The following CCDC93 variants were observed in gnomAD, a reference collection of about 807,000 sequenced individuals.
The protein encoded by CCDC93 is coiled-coil domain-containing protein 93.
CCDC93 carries 61 observed loss-of-function variants against 108.2 expected under a neutral mutation model. The ratio of observed to expected loss-of-function variants is 0.56; its 90% CI spans 0.46 to 0.70. The LOEUF (loss-of-function observed/expected upper bound fraction) is 0.70. Ranked by LOEUF, CCDC93 falls within the 30% of genes least tolerant of loss-of-function variation. The pLI is 0.00. For missense variants in CCDC93, 685 were observed against 764.2 expected (o/e 0.90, Z 1.22); for synonymous variants, 276 against 260.4 (o/e 1.06, Z -0.58).
intron 23 of CCDC93, among the ~76,000 whole-genome samples, chr2:117,925,922 C>A (rs559895441): frequency 1.3e-5 from 2 of 152,244 alleles, no homozygotes; most frequent in African/African-American, 4.8e-5. Context: ...AACTGTCTCT[C>A]AGACCACAGT....
Position 117,918,052 on chromosome 2 carries a change from C to T in CCDC93, c.*2291G>A, listed in dbSNP as rs1361517764. On this transcript the variant is annotated 3_prime_UTR_variant, in exon 24 of 24. Transcript: ENST00000376300. ...CAATTCCATACTATGTCTGTCTAAGCACACAGAGCCATAGCCCTGGGAAGA... is the reference window on the plus strand; with the variant it reads ...CAATTCCATACTATGTCTGTCTAAGTACACAGAGCCATAGCCCTGGGAAGA... 1 of 152,210 alleles carries T rather than the reference C, an allele frequency of 6.6e-6. No homozygotes were observed. Among genetic ancestry groups the T allele is most frequent in the Non-Finnish European group, 1.5e-5 (1 of 68,050 alleles). 9.4% of individuals were successfully genotyped at this position (152,210 alleles called of 1,614,324 possible).
intron 9 of CCDC93, 30 bp from the exon 10 acceptor site, chr2:117,974,930 G>C: frequency 6.5e-7 from 1 of 1,547,620 alleles, no homozygotes; most frequent in Non-Finnish European, 8.8e-7. Context: ...GAGCAGCAGT[G>C]AGTGGTTCTG....
chr2:118,012,190 C>T (rs1677036667), intron 1 of CCDC93, among the ~76,000 whole-genome samples: 1 of 151,912 alleles, frequency 6.6e-6, no homozygotes, highest in Non-Finnish European at 1.5e-5. Flanking sequence ...ATAAGAATTG[C>T]TTGAACCTGG....
intron 22 of CCDC93, among the ~76,000 whole-genome samples, chr2:117,932,047 G>C (rs537324347): frequency 6.6e-6 from 1 of 152,234 alleles, no homozygotes; most frequent in African/African-American, 2.4e-5. Context: ...TGACACGGGG[G>C]GAGGTGACGG....
intron 23 of CCDC93, among the ~76,000 whole-genome samples, chr2:117,924,343 G>A (rs1016930197): frequency 1.3e-5 from 2 of 152,180 alleles, no homozygotes; most frequent in African/African-American, 2.4e-5. Flanking sequence ...GCTAAAGGAG[G>A]AAGTTCGAAC....
rs970836921 is a variant in CCDC93 at position 117,917,699 on chromosome 2, ACAT to A, written c.*2641_*2643del. 15 of 152,418 alleles carry A rather than the reference ACAT, an allele frequency of 9.8e-5. No individual in the cohort carries two copies. Among genetic ancestry groups the A allele is most frequent in the African/African-American group, 3.6e-4 (15 of 41,574 alleles). 9.4% of individuals were successfully genotyped at this position (152,418 alleles called of 1,614,324 possible). A position where few individuals can be genotyped will look rare whatever the true frequency, so the allele number is the denominator to read the frequency against. The stretch of plus-strand genomic sequence containing the variant: ...AACAGAGACGGAGCACAGGTCAAAG[ACAT>A]CAACAAATGTCCTAGCATCTCCCCA... On this transcript the variant is annotated 3_prime_UTR_variant, in exon 24 of 24. Transcript: ENST00000376300.
At chr2:117,969,398 T>G (rs570967371) in intron 11 of CCDC93, among the ~76,000 whole-genome samples, 1 of 152,296 alleles carries the variant, frequency 6.6e-6, no homozygotes, top group Admixed American at 6.5e-5. Context: ...TGCAGCCTTG[T>G]AAGACTCACA....
chr2:117,995,389 A>C (rs1680611875), intron 6 of CCDC93, 57 bp downstream of exon 6: 1 of 1,309,046 alleles, frequency 7.6e-7, no homozygotes, highest in Non-Finnish European at 1.1e-6. Context: ...TGATTTAACA[A>C]AGGGCTATCT....
chr2:117,943,204 G>A (rs1208167538), intron 18 of CCDC93, among the ~76,000 whole-genome samples: 1 of 152,184 alleles, frequency 6.6e-6, no homozygotes, highest in Non-Finnish European at 1.5e-5. Context: ...CTTGAACTTT[G>A]ATGTATATAT....
intron 20 of CCDC93, among the ~76,000 whole-genome samples, chr2:117,938,330 T>C (rs1011531154): frequency 2.0e-5 from 3 of 152,208 alleles, no homozygotes; most frequent in Non-Finnish European, 4.4e-5. Flanking sequence ...AATTAAGACA[T>C]ATCTGCATAC....
intron 21 of CCDC93, among the ~76,000 whole-genome samples, chr2:117,936,158 G>A (rs1007663881): frequency 6.6e-6 from 1 of 151,856 alleles, no homozygotes; most frequent in African/African-American, 2.4e-5. Flanking sequence ...CCAGAGGACA[G>A]CAGAGATTTG....
chr2:117,951,274 C>A (rs3771942), intron 13 of CCDC93: 20 of 985,122 alleles, frequency 2.0e-5, no homozygotes, highest in South Asian at 4.7e-5. Context: ...CGTAAGGAAC[C>A]CAGTCACAGA....
In CCDC93 at chr2:117,926,797, C is replaced by G. The variant is rs551474679; in HGVS notation, c.1842+4240G>C. Among the ~76,000 whole-genome samples, 481 of 151,954 alleles carry G rather than the reference C, an allele frequency of 3.2e-3. 6 individuals are homozygous for G. Among genetic ancestry groups the G allele is most frequent in the African/African-American group, 0.011 (458 of 41,282 alleles). On this transcript the variant is annotated intron_variant, in intron 23 of 23. Transcript: ENST00000376300. Reference sequence around the variant, plus strand: ...GGCCAGCATCATCCTGATACCAAAGCCTGGCAGAGACACAACCAAAAAAGA... The same window carrying G: ...GGCCAGCATCATCCTGATACCAAAGGCTGGCAGAGACACAACCAAAAAAGA...
At chr2:117,932,487 T>C (rs551388891) in intron 22 of CCDC93, among the ~76,000 whole-genome samples, 2 of 152,348 alleles carry the variant, frequency 1.3e-5, no homozygotes, top group East Asian at 3.9e-4. Flanking sequence ...ATATGGGGAC[T>C]GATTTGCCTA....
chr2:117,977,826 G>C (rs1679991235), intron 8 of CCDC93, among the ~76,000 whole-genome samples, 168 bp downstream of exon 8: 2 of 152,150 alleles, frequency 1.3e-5, no homozygotes, highest in Non-Finnish European at 2.9e-5. Flanking sequence ...CCAGTCTGTA[G>C]AGGTGGCTAG....
At chr2:117,996,152 G>A (rs2104815134) in intron 5 of CCDC93, 112 bp downstream of exon 5, 1 of 619,988 alleles carries the variant, frequency 1.6e-6, no homozygotes, top group East Asian at 2.7e-5. Flanking sequence ...ATGATGCCAA[G>A]TGGGGCTGAG....
At position 117,941,294 on chromosome 2, in the gene CCDC93, G is replaced by C. The variant is rs775146748; in HGVS notation, c.1417C>G (p.Arg473Gly). ...KLYKIRLLQARRNREIAILHR... is the reference protein window; with the variant it reads ...KLYKIRLLQAGRNREIAILHR... ...AAAATTGCTATTTCTCGATTTCTTC[G>C]AGCCTAAATGCAAAAGGGAGACAGA... Residue 473 changes from arginine (R) to glycine (G), a missense_variant, in exon 19 of 24, where the codon CGA becomes GGA. By Grantham distance (125) the Arg-to-Gly change is moderately radical. Coordinates refer to ENST00000376300, the MANE Select transcript of CCDC93 (RefSeq NM_019044.5). 11 of 1,612,192 alleles carry C rather than the reference G, an allele frequency of 6.8e-6. No individual in the cohort carries two copies. The highest frequency in any genetic ancestry group is 2.7e-5 in the African/African-American group (2 of 74,818).
At chr2:117,993,102 T>A (rs1208909330) in intron 6 of CCDC93, among the ~76,000 whole-genome samples, 1 of 152,054 alleles carries the variant, frequency 6.6e-6, no homozygotes, top group Non-Finnish European at 1.5e-5. Context: ...GCATTAAAAA[T>A]TTTTAATGTT....
intron 19 of CCDC93, 137 bp from the exon 20 acceptor site, chr2:117,939,248 C>A: frequency 1.7e-6 from 1 of 578,684 alleles, no homozygotes; most frequent in South Asian, 2.2e-5. Context: ...CCACAGCGTG[C>A]AAACTGAATT....
Sources: allele counts gnomAD v4.1 joint callset (sites outside exome capture counted in the v4.1 genomes callset), GRCh38; gene constraint gnomAD v4.1.1; transcripts MANE v1.5; gene names NCBI Gene and HGNC (gene_info 2026-07-23, HGNC 2026-07-21).